ICA1L: variants seen among roughly 807,000 people sequenced by gnomAD.
The protein encoded by ICA1L is islet cell autoantigen 1 like.
ICA1L carries 50 observed loss-of-function variants against 61.3 expected under a neutral mutation model. The ratio of observed to expected loss-of-function variants is 0.82; its 90% CI spans 0.65 to 1.03. ICA1L has a LOEUF of 1.03. Among genes scored for constraint, ICA1L ranks in the 50% least tolerant of loss-of-function variants. The pLI is 0.00. For missense variants in ICA1L, 508 were observed against 556.7 expected, an observed-to-expected ratio of 0.91 and a Z score of 0.88; for synonymous variants, 161 against 191.3, an observed-to-expected ratio of 0.84 and a Z score of 1.31.
intron 1 of ICA1L, among the ~76,000 whole-genome samples, chr2:202,863,072 A>G: frequency 6.6e-6 from 1 of 151,370 alleles, no homozygotes; most frequent in Admixed American, 6.6e-5. Flanking sequence ...CAGGCAGATC[A>G]CTTGAGGTCA....
In ICA1L at chr2:202,773,890, A is replaced by G; in HGVS notation, c.*5643T>C. 7.9e-7 allele frequency: 1 copy of G among 1,270,230 alleles called. No individual in the cohort carries two copies. The highest frequency in any genetic ancestry group is 1.1e-6 in the Non-Finnish European group (1 of 873,218). 78.7% of individuals were successfully genotyped at this position (1,270,230 alleles called of 1,614,324 possible). A position where few individuals can be genotyped will look rare whatever the true frequency, so the allele number is the denominator to read the frequency against. On this transcript the variant is annotated 3_prime_UTR_variant, in exon 13 of 13. Transcript: ENST00000358299. ...GCTGAGTGGAACAGTCCTGCTAAATAAACCAGTGGAATAAGAACAGTCAAC... is the reference window on the plus strand; with the variant it reads ...GCTGAGTGGAACAGTCCTGCTAAATGAACCAGTGGAATAAGAACAGTCAAC...
At chr2:202,863,934 C>G (rs1045853919) in intron 1 of ICA1L, among the ~76,000 whole-genome samples, 1 of 151,842 alleles carries the variant, frequency 6.6e-6, no homozygotes. Context: ...GATTCTACAA[C>G]TTAAGTTAAA....
intron 1 of ICA1L, among the ~76,000 whole-genome samples, chr2:202,847,713 A>ATATATATATATATATATATAT (rs1242055604): frequency 1.1e-4 from 16 of 147,432 alleles, no homozygotes; most frequent in African/African-American, 2.0e-4. Flanking sequence ...ATATATAGTT[A>ATATATATATATATATATATAT]AGCAGTGAGA....
intron 1 of ICA1L, among the ~76,000 whole-genome samples, chr2:202,864,067 G>A (rs900329023): frequency 1.3e-5 from 2 of 151,976 alleles, no homozygotes; most frequent in Admixed American, 6.6e-5. Context: ...AAAACAAAAC[G>A]AAACCCTTTC....
Position 202,791,463 on chromosome 2 carries a change from T to TAAGG in ICA1L, c.986-2380_986-2377dup, listed in dbSNP as rs1230608727. Among the ~76,000 whole-genome samples the TAAGG allele has an allele frequency of 2.0e-5, 3 of 152,188 alleles. No homozygotes were observed. In the South Asian group the frequency reaches 6.2e-4, roughly 32 times the overall value. ...CAATAGAGTTGAATAGATTTGTCAG[T>TAAGG]AAGGAAGATACACGAATGGACAATA... On this transcript the variant is annotated intron_variant, in intron 10 of 12. Coordinates refer to ENST00000358299, the MANE Select transcript of ICA1L (RefSeq NM_001288622.3).
chr2:202,829,045 C>A (rs1301216992), intron 1 of ICA1L, 29 bp from the exon 2 acceptor site: 3 of 1,509,154 alleles, frequency 2.0e-6, no homozygotes, highest in African/African-American at 2.8e-5. Flanking sequence ...AATTAAACTT[C>A]TTTTAAAAAT....
At chr2:202,792,475 G>A (rs1692783382) in intron 10 of ICA1L, among the ~76,000 whole-genome samples, 1 of 152,060 alleles carries the variant, frequency 6.6e-6, no homozygotes, top group African/African-American at 2.4e-5. Context: ...ACATAAGATG[G>A]TATATCCATA....
chr2:202,821,432 T>C lies in ICA1L; in HGVS notation c.285A>G (p.Ala95=). The change falls in exon 4 of 13, where the codon GCA becomes GCG. Residue 95 remains alanine, a synonymous_variant. Coordinates refer to ENST00000358299, the MANE Select transcript of ICA1L (RefSeq NM_001288622.3). ...TGCCAGCTTGAGTTGCATCCCGTTC[T>C]GCTTGAAATTTTAAAAAGAGCCCTA... is the stretch of plus-strand genomic sequence containing the variant. The part of the protein sequence containing the change: ...NELGLFLKFQ[A]ERDATQAGKM... 3 of 1,613,310 alleles carry C rather than the reference T, an allele frequency of 1.9e-6. No homozygotes were observed. The highest frequency in any genetic ancestry group is 2.2e-5 in the East Asian group (1 of 44,810).
In ICA1L at chr2:202,777,135, C is replaced by T. The variant is rs1692251084; in HGVS notation, c.*2398G>A. ...TGGTGCAATCTCGACTCACTGCAAC[C>T]TCTGCCGCCTGGGTTCAAGCAATTC... On this transcript the variant is annotated 3_prime_UTR_variant, in exon 13 of 13. Coordinates refer to ENST00000358299, the MANE Select transcript of ICA1L (RefSeq NM_001288622.3). The T allele has an allele frequency of 6.8e-6, 1 of 146,786 alleles. No homozygotes were observed. The highest frequency in any genetic ancestry group is 1.5e-5 in the Non-Finnish European group (1 of 67,672). 9.1% of individuals were successfully genotyped at this position (146,786 alleles called of 1,614,324 possible). A position where few individuals can be genotyped will look rare whatever the true frequency, so the allele number is the denominator to read the frequency against.
At chr2:202,818,066 T>C (rs1345562307) in intron 5 of ICA1L, among the ~76,000 whole-genome samples, 2 of 152,310 alleles carry the variant, frequency 1.3e-5, no homozygotes, top group East Asian at 1.9e-4. Flanking sequence ...AGGCACCTAT[T>C]ATATGCAAGG....
At chr2:202,795,614 C>T (rs910303120) in intron 10 of ICA1L, among the ~76,000 whole-genome samples, 1 of 151,616 alleles carries the variant, frequency 6.6e-6, no homozygotes, top group Non-Finnish European at 1.5e-5. Flanking sequence ...AGAAAAAAAA[C>T]AACTATGTGG....
intron 1 of ICA1L, among the ~76,000 whole-genome samples, chr2:202,842,055 A>G (rs1694349809): frequency 6.6e-6 from 1 of 151,936 alleles, no homozygotes; most frequent in Admixed American, 6.6e-5. Context: ...AGGTTTCACC[A>G]TGTTGGCCAG....
chr2:202,834,103 T>G (rs1383227961), intron 1 of ICA1L, among the ~76,000 whole-genome samples: 1 of 152,226 alleles, frequency 6.6e-6, no homozygotes, highest in Non-Finnish European at 1.5e-5. Flanking sequence ...TTAATTATGT[T>G]GATTTAGCCA....
chr2:202,842,209 C>T (rs1694354169), intron 1 of ICA1L, among the ~76,000 whole-genome samples: 1 of 152,154 alleles, frequency 6.6e-6, no homozygotes, highest in South Asian at 2.1e-4. Flanking sequence ...ATTAAAGACC[C>T]ACCATTATAC....
At chr2:202,840,358 G>A (rs144318295) in intron 1 of ICA1L, 105 of 486,738 alleles carry the variant, frequency 2.2e-4, no homozygotes, top group African/African-American at 2.0e-3. Flanking sequence ...CAGAGGACTC[G>A]GACACCAGCT....
chr2:202,829,113 C>T, intron 1 of ICA1L, 97 bp from the exon 2 acceptor site: 1 of 948,092 alleles, frequency 1.1e-6, no homozygotes, highest in Non-Finnish European at 1.5e-6. Context: ...CTTTGGGAGG[C>T]TGAGGCGAGC....
At chr2:202,824,954 G>A (rs1440604879) in intron 3 of ICA1L, among the ~76,000 whole-genome samples, 1 of 152,170 alleles carries the variant, frequency 6.6e-6, no homozygotes, top group African/African-American at 2.4e-5. Flanking sequence ...GAAGGAGTTG[G>A]TTAATCATGA....
At position 202,774,429 on chromosome 2, in the gene ICA1L, C is replaced by T. The variant is rs1022148769; in HGVS notation, c.*5104G>A. On this transcript the variant is annotated 3_prime_UTR_variant, in exon 13 of 13. Coordinates refer to ENST00000358299, the MANE Select transcript of ICA1L (RefSeq NM_001288622.3). ...AGCCAGGGTCGAGCCCCTGGCTCCC[C>T]GTTCGTCCAGGCCAGCTCAAGAAAC... 7.8e-6 allele frequency: 6 copies of T among 773,078 alleles called. No individual in the cohort carries two copies. The highest frequency in any genetic ancestry group is 4.1e-4 in the Middle Eastern group (1 of 2,416). 47.9% of individuals were successfully genotyped at this position (773,078 alleles called of 1,614,324 possible).
rs1404908654 is a variant in ICA1L, at chr2:202,775,529, T to C, written c.*4004A>G. ...TAAGAACGAATTCATCTCACAAGGATTTTCTTTTGAGACGGAGTCTCACTC... is the reference window on the plus strand; with the variant it reads ...TAAGAACGAATTCATCTCACAAGGACTTTCTTTTGAGACGGAGTCTCACTC... On this transcript the variant is annotated 3_prime_UTR_variant, in exon 13 of 13. Coordinates refer to ENST00000358299, the MANE Select transcript of ICA1L (RefSeq NM_001288622.3). The C allele has an allele frequency of 6.6e-6, 1 of 152,218 alleles. No homozygotes were observed. The highest frequency in any genetic ancestry group is 1.5e-5 in the Non-Finnish European group (1 of 68,036). 9.4% of individuals were successfully genotyped at this position (152,218 alleles called of 1,614,324 possible). A position where few individuals can be genotyped will look rare whatever the true frequency, so the allele number is the denominator to read the frequency against.
Sources: gnomAD v4.1 joint callset for allele counts (sites outside exome capture counted in the v4.1 genomes callset) on GRCh38, gnomAD v4.1.1 for gene constraint, MANE v1.5 for transcripts, NCBI Gene and HGNC (gene_info 2026-07-23, HGNC 2026-07-21) for gene names.